DSCAML1: variants seen among roughly 807,000 people sequenced by gnomAD.
DSCAML1 encodes cell adhesion molecule DSCAML1.
In DSCAML1, 38 loss-of-function variants were observed where a neutral mutation model predicts 200.5. The observed-to-expected ratio is 0.19, with a 90% CI of 0.15 to 0.25. The LOEUF (loss-of-function observed/expected upper bound fraction) is 0.25, where lower values mean the gene tolerates loss of function less well. Among genes scored for constraint, DSCAML1 ranks in the 10% least tolerant of loss-of-function variants. The probability of loss-of-function intolerance (pLI) is 1.00; values close to 1 mark genes in which losing one functional copy is unlikely to be tolerated. For synonymous variants in DSCAML1, 1,215 were observed against 1,165.0 expected, an observed-to-expected ratio of 1.04 and a Z score of -0.87; for missense variants, 2,223 against 2,858.8, an observed-to-expected ratio of 0.78 and a Z score of 5.07.
chr11:117,536,289 C>T (rs970021375), intron 3 of DSCAML1, among the ~76,000 whole-genome samples: 1 of 152,016 alleles, frequency 6.6e-6, no homozygotes, highest in African/African-American at 2.4e-5. Flanking sequence ...GAGGGAGGCC[C>T]GGCCCGCTGT....
chr11:117,525,961 C>T (rs1176590416), intron 4 of DSCAML1, among the ~76,000 whole-genome samples: 2 of 152,192 alleles, frequency 1.3e-5, no homozygotes, highest in African/African-American at 4.8e-5. Context: ...GATTCAGAAG[C>T]CCCACCACAG....
At chr11:117,507,854 G>A (rs2049532785) in intron 8 of DSCAML1, among the ~76,000 whole-genome samples, 1 of 152,152 alleles carries the variant, frequency 6.6e-6, no homozygotes, top group Non-Finnish European at 1.5e-5. Flanking sequence ...AGTCTCTGGC[G>A]GCCTCTTTTC....
Position 117,504,439 on chromosome 11 carries a change from T to C in DSCAML1, c.2183-418A>G, listed in dbSNP as rs149241952. Among the ~76,000 whole-genome samples the C allele has an allele frequency of 2.8e-4, 43 of 152,252 alleles. No individual in the cohort carries two copies. The highest frequency in any genetic ancestry group is 8.9e-4 in the African/African-American group (37 of 41,558). ...AGGCCAGCATCCTCCAAGGGGGCCTTGTGGGCACCCCCTGTCCCTCCATTC... is the reference window on the plus strand; with the variant it reads ...AGGCCAGCATCCTCCAAGGGGGCCTCGTGGGCACCCCCTGTCCCTCCATTC... On this transcript the variant is annotated intron_variant, in intron 10 of 32. Transcript: ENST00000651296. This position sits in a 1 kb window ranked among gnomAD's most constrained non-coding sequence, Gnocchi z 5.0.
Position 117,642,610 on chromosome 11 carries a change from A to T in DSCAML1, c.512-110088T>A, listed in dbSNP as rs2052435055. On this transcript the variant is annotated intron_variant, in intron 3 of 32. Coordinates refer to ENST00000651296, the MANE Select transcript of DSCAML1 (RefSeq NM_020693.4). The surrounding 1 kb of genome is among the most constrained non-coding windows in gnomAD (Gnocchi z 4.1). Reference sequence around the variant, plus strand: ...GGCTGTATCCCTGTGGATGGACAGCAGTGCCTGAGGGAGCCCTTCCATCCC... The same window carrying T: ...GGCTGTATCCCTGTGGATGGACAGCTGTGCCTGAGGGAGCCCTTCCATCCC... Among the ~76,000 whole-genome samples the T allele has an allele frequency of 6.6e-6, 1 of 152,226 alleles. No individual in the cohort carries two copies. Among genetic ancestry groups the T allele is most frequent in the Non-Finnish European group, 1.5e-5 (1 of 68,038 alleles).
At chr11:117,532,049 C>A (rs774771293) in intron 4 of DSCAML1, among the ~76,000 whole-genome samples, 3 of 150,420 alleles carry the variant, frequency 2.0e-5, no homozygotes, top group Non-Finnish European at 3.0e-5. Context: ...AAATGCAATC[C>A]CCCCACCCCC....
At chr11:117,686,177 G>A (rs2137706596) in intron 3 of DSCAML1, among the ~76,000 whole-genome samples, 1 of 152,348 alleles carries the variant, frequency 6.6e-6, no homozygotes, top group Admixed American at 6.5e-5. Context: ...TATGTGGAGA[G>A]ATGGAGCTGG....
intron 3 of DSCAML1, among the ~76,000 whole-genome samples, chr11:117,683,449 C>G (rs1292864452): frequency 1.3e-5 from 2 of 152,250 alleles, no homozygotes; most frequent in African/African-American, 4.8e-5. Flanking sequence ...GTTCAGTCAT[C>G]TGCGAGTTTC....
chr11:117,508,511 G>A (rs969370858), intron 8 of DSCAML1, among the ~76,000 whole-genome samples: 3 of 151,604 alleles, frequency 2.0e-5, no homozygotes, highest in Admixed American at 6.6e-5. Flanking sequence ...CAGGGGGTAC[G>A]GCAAGCACAG....
At chr11:117,704,821 C>A (rs1388090768) in intron 3 of DSCAML1, among the ~76,000 whole-genome samples, 1 of 152,168 alleles carries the variant, frequency 6.6e-6, no homozygotes, top group Non-Finnish European at 1.5e-5. Flanking sequence ...TATTTTGGTA[C>A]CTCATAGCAG....
At chr11:117,682,801 C>A (rs1486529481) in intron 3 of DSCAML1, among the ~76,000 whole-genome samples, 1 of 152,124 alleles carries the variant, frequency 6.6e-6, no homozygotes, top group Non-Finnish European at 1.5e-5. Flanking sequence ...ACTGTGAAGG[C>A]CAGAGGCTGG....
intron 3 of DSCAML1, among the ~76,000 whole-genome samples, chr11:117,731,636 T>A (rs959330648): frequency 6.6e-6 from 1 of 152,156 alleles, no homozygotes; most frequent in Non-Finnish European, 1.5e-5. Flanking sequence ...TTCCTCGGGG[T>A]CACATAGCAC....
intron 3 of DSCAML1, among the ~76,000 whole-genome samples, chr11:117,670,774 T>C (rs1261047795): frequency 6.6e-6 from 1 of 152,158 alleles, no homozygotes; most frequent in Non-Finnish European, 1.5e-5. Flanking sequence ...CACCCTTGAC[T>C]GGAGAATCCA....
intron 3 of DSCAML1, among the ~76,000 whole-genome samples, chr11:117,563,444 C>T (rs2050700782): frequency 6.6e-6 from 1 of 152,082 alleles, no homozygotes; most frequent in African/African-American, 2.4e-5. Flanking sequence ...CAGGGGCCAG[C>T]TGCATTTTTA....
chr11:117,605,608 G>C (rs1307679792), intron 3 of DSCAML1, among the ~76,000 whole-genome samples: 1 of 152,250 alleles, frequency 6.6e-6, no homozygotes, highest in Non-Finnish European at 1.5e-5. Context: ...AGGAGAGCCT[G>C]TGATGGGAGG....
At chr11:117,689,842 T>C (rs575150106) in intron 3 of DSCAML1, among the ~76,000 whole-genome samples, 1 of 152,326 alleles carries the variant, frequency 6.6e-6, no homozygotes, top group Admixed American at 6.5e-5. Flanking sequence ...AACTTAATTC[T>C]GCATAATGTT....
rs572881355 is a variant in DSCAML1, at chr11:117,816,573, G to A, written c.-250+817C>T. On this transcript the variant is annotated intron_variant, in intron 1 of 2. Transcript: ENST00000525836. The stretch of plus-strand genomic sequence containing the variant: ...TAATCTCCCCCACAGCAGCCCTGCC[G>A]AGCAGAGCGGAGGGAGGGTGGAAGC... Among the ~76,000 whole-genome samples the A allele has an allele frequency of 7.2e-5, 11 of 152,302 alleles. No homozygotes were observed. In the South Asian group the frequency reaches 1.4e-3, roughly 20 times the overall value.
intron 3 of DSCAML1, among the ~76,000 whole-genome samples, chr11:117,730,309 G>A (rs2054198336): frequency 6.6e-6 from 1 of 152,190 alleles, no homozygotes. Context: ...AGGGGGCCAG[G>A]AGTCAAGGAC....
intron 13 of DSCAML1, 152 bp downstream of exon 13, chr11:117,481,022 G>T: frequency 1.4e-6 from 1 of 713,672 alleles, no homozygotes; most frequent in African/African-American, 1.8e-5. Flanking sequence ...TGGGCAGGAG[G>T]GCAGGTGGAG....
intron 3 of DSCAML1, among the ~76,000 whole-genome samples, chr11:117,598,625 C>A (rs1430088434): frequency 6.6e-6 from 1 of 152,108 alleles, no homozygotes; most frequent in Non-Finnish European, 1.5e-5. Context: ...CTCTTTTATT[C>A]CCCAAACATA....
Sources: allele counts gnomAD v4.1 joint callset (sites outside exome capture counted in the v4.1 genomes callset), GRCh38; gene constraint gnomAD v4.1.1; non-coding constraint Gnocchi (gnomAD v3.1); transcripts MANE v1.5; gene names NCBI Gene and HGNC (gene_info 2026-07-23, HGNC 2026-07-21).